The following TPD52 variants were observed in gnomAD, a reference collection of about 807,000 sequenced individuals.
The protein encoded by TPD52 is prostate and colon associated protein.
Under a neutral mutation model 31.3 loss-of-function variants are expected in TPD52, and 17 were observed. The ratio of observed to expected loss-of-function variants is 0.54; its 90% CI spans 0.37 to 0.82. TPD52 has a LOEUF of 0.82. TPD52 is among the 40% of genes least tolerant of loss of function. The pLI, the probability that TPD52 is intolerant of heterozygous loss-of-function variation, is 0.00. For missense variants in TPD52, 212 were observed against 240.1 expected (o/e 0.88, Z 0.77); for synonymous variants, 83 against 89.6 (o/e 0.93, Z 0.42).
At chr8:80,044,935 A>G (rs959773768) in intron 5 of TPD52, among the ~76,000 whole-genome samples, 1 of 152,206 alleles carries the variant, frequency 6.6e-6, no homozygotes, top group Non-Finnish European at 1.5e-5. Context: ...TCCTTTTCTT[A>G]AAGACTCATT....
At chr8:80,105,570 A>C (rs770572350) in intron 1 of TPD52, among the ~76,000 whole-genome samples, 2 of 152,000 alleles carry the variant, frequency 1.3e-5, no homozygotes, top group Non-Finnish European at 1.5e-5. Flanking sequence ...TTGAGCCATG[A>C]GTCTTGCTGA....
intron 1 of TPD52, among the ~76,000 whole-genome samples, chr8:80,090,620 A>G (rs1315581526): frequency 6.6e-6 from 1 of 152,106 alleles, no homozygotes; most frequent in Non-Finnish European, 1.5e-5. Context: ...CTTAGGAAAT[A>G]TTCCCTATGG....
chr8:80,045,240 A>C (rs1482991574), intron 5 of TPD52, among the ~76,000 whole-genome samples: 2 of 152,020 alleles, frequency 1.3e-5, no homozygotes, highest in East Asian at 3.8e-4. Context: ...TGGATCTATC[A>C]AAGTGTGCTG....
chr8:80,104,133 T>C (rs1440766323), intron 1 of TPD52, among the ~76,000 whole-genome samples: 1 of 152,132 alleles, frequency 6.6e-6, no homozygotes, highest in Non-Finnish European at 1.5e-5. Flanking sequence ...TGGGAGGTGG[T>C]GTGGATCTCT....
intron 1 of TPD52, among the ~76,000 whole-genome samples, chr8:80,148,824 C>A (rs1460948541): frequency 1.3e-5 from 2 of 152,172 alleles, no homozygotes; most frequent in African/African-American, 4.8e-5. Context: ...AAAGAAACAG[C>A]TGTATGCCAT....
At chr8:80,062,022 G>C (rs943794093) in intron 2 of TPD52, among the ~76,000 whole-genome samples, 1 of 152,156 alleles carries the variant, frequency 6.6e-6, no homozygotes, top group African/African-American at 2.4e-5. Flanking sequence ...AACTGAACGC[G>C]AGCCCTATCA....
At chr8:80,160,453 TC>T (rs1279870769) in intron 1 of TPD52, among the ~76,000 whole-genome samples, 1 of 152,178 alleles carries the variant, frequency 6.6e-6, no homozygotes, top group East Asian at 1.9e-4. Flanking sequence ...TCGTCATCAT[TC>T]TCATTCTGGG....
intron 1 of TPD52, among the ~76,000 whole-genome samples, chr8:80,079,457 A>T (rs114350875): frequency 0.019 from 2,918 of 152,256 alleles, 88 homozygotes; most frequent in African/African-American, 0.065. Flanking sequence ...CACAAACCTA[A>T]AATACTTAAA....
chr8:80,106,449 C>T (rs1035730677), intron 1 of TPD52, among the ~76,000 whole-genome samples: 4 of 152,024 alleles, frequency 2.6e-5, no homozygotes, highest in African/African-American at 9.7e-5. Flanking sequence ...CTCCGCCTCC[C>T]GGGTTCACGC....
intron 1 of TPD52, among the ~76,000 whole-genome samples, chr8:80,084,395 T>C (rs979737782): frequency 6.6e-6 from 1 of 152,236 alleles, no homozygotes; most frequent in Non-Finnish European, 1.5e-5. Flanking sequence ...CCTTCCTTGA[T>C]GTTTACTCTG....
In TPD52 at chr8:80,037,292, T is replaced by C. The variant is rs544778923; in HGVS notation, c.*824A>G. 1.3e-5 allele frequency: 2 copies of C among 152,564 alleles called. No homozygotes were observed. The highest frequency in any genetic ancestry group is 6.5e-5 in the Admixed American group (1 of 15,300). 9.5% of individuals were successfully genotyped at this position (152,564 alleles called of 1,614,324 possible). ...AACTTTCAGGCTTTTGAACTGAACA[T>C]TGATGACAGTGTTCATAGTTCAACC... is the stretch of plus-strand genomic sequence containing the variant. On this transcript the variant is annotated 3_prime_UTR_variant, in exon 8 of 8. Coordinates refer to ENST00000518937, the MANE Select transcript of TPD52 (RefSeq NM_001025253.3).
intron 1 of TPD52, among the ~76,000 whole-genome samples, chr8:80,167,473 G>A (rs1229188841): frequency 6.6e-6 from 1 of 152,140 alleles, no homozygotes. Flanking sequence ...GGACTAGGCA[G>A]CCTGCCACAT....
intron 7 of TPD52, among the ~76,000 whole-genome samples, chr8:80,041,749 T>TA (rs59733715): frequency 1.3e-5 from 2 of 152,060 alleles, no homozygotes; most frequent in South Asian, 2.1e-4. Flanking sequence ...ATCATTATAA[T>TA]AAAAAAAATG....
intron 2 of TPD52, among the ~76,000 whole-genome samples, chr8:80,054,206 A>G (rs2098898): frequency 0.58 from 87,588 of 152,050 alleles, 25,791 homozygotes; most frequent in East Asian, 0.7. Context: ...ATGACATTGC[A>G]AGTAGAAGCT....
chr8:80,034,674 G>C (rs559697384), downstream of TPD52: 15 of 152,170 alleles, frequency 9.9e-5, no homozygotes, highest in African/African-American at 3.1e-4. Context: ...TAAGAACAGA[G>C]AATCAATTCT....
chr8:80,142,772 T>A (rs1241024190), intron 1 of TPD52, among the ~76,000 whole-genome samples: 1 of 152,160 alleles, frequency 6.6e-6, no homozygotes, highest in African/African-American at 2.4e-5. Flanking sequence ...ACACTCTCCC[T>A]TACAGTCCCA....
chr8:80,126,491 T>TG (rs200954179), intron 1 of TPD52, among the ~76,000 whole-genome samples: 2,725 of 149,816 alleles, frequency 0.018, 89 homozygotes, highest in African/African-American at 0.064. Flanking sequence ...TTTTTTTTTT[T>TG]TTTTTTTTGA....
At chr8:80,106,819 C>T (rs4740107) in intron 1 of TPD52, among the ~76,000 whole-genome samples, 96,769 of 148,866 alleles carry the variant, frequency 0.65, 33,050 homozygotes, top group African/African-American at 0.87. Flanking sequence ...ATATAAACCA[C>T]AAAAAGCAAA....
At chr8:80,108,493 A>C (rs1224088719) in intron 1 of TPD52, among the ~76,000 whole-genome samples, 1 of 152,174 alleles carries the variant, frequency 6.6e-6, no homozygotes, top group Non-Finnish European at 1.5e-5. Flanking sequence ...CTTGTCATCC[A>C]TAGGCAGTTA....
Sources: allele counts gnomAD v4.1 joint callset (sites outside exome capture counted in the v4.1 genomes callset), GRCh38; gene constraint gnomAD v4.1.1; transcripts MANE v1.5; gene names NCBI Gene and HGNC (gene_info 2026-07-23, HGNC 2026-07-21).